Variants in CAPZA1 observed in about 807,000 individuals in gnomAD.
The protein encoded by CAPZA1 is capping actin protein of muscle Z-line subunit alpha 1, also known as F-actin-capping protein subunit alpha-1.
In CAPZA1, 10 loss-of-function variants were observed where a neutral mutation model predicts 40.8. The ratio of observed to expected loss-of-function variants is 0.25; its 90% CI spans 0.15 to 0.42. The LOEUF (loss-of-function observed/expected upper bound fraction) is 0.42, where lower values mean the gene tolerates loss of function less well. Ranked by LOEUF, CAPZA1 falls within the 10% of genes least tolerant of loss-of-function variation. CAPZA1 has a pLI of 1.00. For synonymous variants in CAPZA1, 98 were observed against 115.0 expected (o/e 0.85, Z 0.95); for missense variants, 277 against 353.8 (o/e 0.78, Z 1.74).
intron 1 of CAPZA1, chr1:112,646,884 G>A (rs1391067529): frequency 5.8e-6 from 1 of 173,636 alleles, no homozygotes. Context: ...ATTTTATTTA[G>A]TTTTGCTTAA....
intron 1 of CAPZA1, among the ~76,000 whole-genome samples, chr1:112,637,009 T>G (rs1202139354): frequency 1.3e-5 from 2 of 152,246 alleles, no homozygotes; most frequent in Non-Finnish European, 2.9e-5. Flanking sequence ...AATTCTTGGT[T>G]AAAACAGTCT....
At chr1:112,667,479 A>C (rs1465604605) in intron 8 of CAPZA1, among the ~76,000 whole-genome samples, 1 of 152,222 alleles carries the variant, frequency 6.6e-6, no homozygotes, top group African/African-American at 2.4e-5. Context: ...CATTTATATC[A>C]TTAGAGAAAC....
chr1:112,638,854 G>C (rs1279186185), intron 1 of CAPZA1, among the ~76,000 whole-genome samples: 1 of 149,918 alleles, frequency 6.7e-6, no homozygotes, highest in African/African-American at 2.5e-5. Context: ...AGTGAGCCGA[G>C]ATCATGCCAC....
Position 112,669,445 on chromosome 1 carries a change from G to A in CAPZA1, c.658-98G>A, listed in dbSNP as rs1185437896. Reference sequence around the variant, plus strand: ...GGGAACACTTGGAAAACTAGAAATTGTCATACAAATGTTAGTTAAGATGGA... The same window carrying A: ...GGGAACACTTGGAAAACTAGAAATTATCATACAAATGTTAGTTAAGATGGA... On this transcript the variant is annotated intron_variant, in intron 8 of 9. Transcript: ENST00000263168. 5.9e-6 allele frequency: 5 copies of A among 841,168 alleles called. No individual in the cohort carries two copies. The East Asian group carries it at 1.3e-4, about 21-fold the overall frequency. The allele number at this position is 841,168 out of a possible 1,614,324, so 52.1% of individuals were successfully genotyped here.
chr1:112,649,367 A>C (rs776022004), intron 2 of CAPZA1, 51 bp from the exon 3 acceptor site: 1 of 1,407,162 alleles, frequency 7.1e-7, no homozygotes, highest in East Asian at 2.3e-5. Context: ...AATCTGCTAA[A>C]ATTTCTCAAA....
chr1:112,655,954 A>G (rs1671491827), intron 5 of CAPZA1, among the ~76,000 whole-genome samples: 1 of 152,182 alleles, frequency 6.6e-6, no homozygotes, highest in African/African-American at 2.4e-5. Flanking sequence ...TAAGAAAAAT[A>G]TTGATTAGAA....
At chr1:112,643,044 C>T (rs1165472749) in intron 1 of CAPZA1, among the ~76,000 whole-genome samples, 2 of 151,806 alleles carry the variant, frequency 1.3e-5, no homozygotes, top group Admixed American at 1.3e-4. Flanking sequence ...TGCACCTTGA[C>T]AGAAAGGGGA....
At chr1:112,669,413 TG>T in intron 8 of CAPZA1, 129 bp from the exon 9 acceptor site, 1 of 700,930 alleles carries the variant, frequency 1.4e-6, no homozygotes, top group Non-Finnish European at 2.6e-6. Flanking sequence ...AGGAGGGTAG[TG>T]GGCATGGGAA....
At chr1:112,624,983 C>G (rs1395888986) in intron 1 of CAPZA1, among the ~76,000 whole-genome samples, 1 of 152,148 alleles carries the variant, frequency 6.6e-6, no homozygotes, top group Non-Finnish European at 1.5e-5. Flanking sequence ...TAGCATAGTG[C>G]CAAGCACACA....
At chr1:112,635,522 T>C (rs1670996479) in intron 1 of CAPZA1, among the ~76,000 whole-genome samples, 1 of 151,542 alleles carries the variant, frequency 6.6e-6, no homozygotes, top group Non-Finnish European at 1.5e-5. Context: ...AATATTTAAC[T>C]TAAAGTTCGT....
chr1:112,662,238 A>T (rs1199742590), intron 7 of CAPZA1, among the ~76,000 whole-genome samples: 1 of 151,846 alleles, frequency 6.6e-6, no homozygotes, highest in African/African-American at 2.4e-5. Flanking sequence ...CCTCCCAAGC[A>T]CCTAGTGCTA....
intron 5 of CAPZA1, 108 bp from the exon 6 acceptor site, chr1:112,658,914 G>GT (rs1671547527): frequency 1.3e-6 from 1 of 793,970 alleles, no homozygotes; most frequent in Non-Finnish European, 2.2e-6. Context: ...CTCATTTTAT[G>GT]TGATTCTTTG....
At chr1:112,636,755 GAGAATGATTGACTAAATCACTGTTAATGA>G (rs944456706) in intron 1 of CAPZA1, among the ~76,000 whole-genome samples, 7 of 151,984 alleles carry the variant, frequency 4.6e-5, no homozygotes, top group African/African-American at 1.7e-4. Flanking sequence ...TCCCACCCTT[GAGAATGATTGACTAAATCACTGTTAATGA>G]AAATGTCATC....
chr1:112,631,899 G>A (rs997870002), intron 1 of CAPZA1, among the ~76,000 whole-genome samples: 4 of 152,062 alleles, frequency 2.6e-5, no homozygotes, highest in African/African-American at 9.7e-5. Flanking sequence ...TGTTGTAAAT[G>A]TTATGCTTAA....
intron 1 of CAPZA1, 165 bp downstream of exon 1, chr1:112,620,048 T>G (rs1245232541): frequency 1.5e-5 from 9 of 583,144 alleles, no homozygotes; most frequent in Non-Finnish European, 2.7e-5. Flanking sequence ...GGGGCTTTCC[T>G]CTGCCTCACG....
chr1:112,635,858 A>G (rs1393869989), intron 1 of CAPZA1, among the ~76,000 whole-genome samples: 3 of 152,016 alleles, frequency 2.0e-5, no homozygotes, highest in Non-Finnish European at 2.9e-5. Flanking sequence ...GTGAAACCCC[A>G]CCTCTACTAA....
At chr1:112,640,855 CT>C (rs1219364783) in intron 1 of CAPZA1, among the ~76,000 whole-genome samples, 14 of 151,960 alleles carry the variant, frequency 9.2e-5, no homozygotes, top group Non-Finnish European at 5.9e-5. Context: ...ACATGGGAGA[CT>C]TTTCATTTTG....
At chr1:112,644,158 T>G (rs1671235160) in intron 1 of CAPZA1, among the ~76,000 whole-genome samples, 1 of 150,860 alleles carries the variant, frequency 6.6e-6, no homozygotes, top group South Asian at 2.1e-4. Flanking sequence ...ATTGCTGGGT[T>G]TTTTTTTCTA....
intron 1 of CAPZA1, among the ~76,000 whole-genome samples, chr1:112,628,103 G>A (rs75534352): frequency 0.02 from 3,100 of 152,324 alleles, 50 homozygotes; most frequent in Middle Eastern, 0.082. Flanking sequence ...ACAAGGCCAA[G>A]GAGAAACTTT....
Sources: gnomAD v4.1 joint callset for allele counts (sites outside exome capture counted in the v4.1 genomes callset) on GRCh38, gnomAD v4.1.1 for gene constraint, MANE v1.5 for transcripts, NCBI Gene and HGNC (gene_info 2026-07-23, HGNC 2026-07-21) for gene names.